Variants in TEX11 observed in about 807,000 individuals in gnomAD.
The protein encoded by TEX11 is testis-expressed protein 11.
TEX11 carries 7 observed loss-of-function variants against 84.4 expected under a neutral mutation model. The ratio of observed to expected loss-of-function variants is 0.08; its 90% confidence interval spans 0.05 to 0.16. The LOEUF (loss-of-function observed/expected upper bound fraction) is 0.16, where lower values mean the gene tolerates loss of function less well. TEX11 is among the 10% of genes least tolerant of loss of function. TEX11 has a pLI of 1.00. For synonymous variants in TEX11, 264 were observed against 222.8 expected (o/e 1.18, Z -1.64); for missense variants, 551 against 660.5 (o/e 0.83, Z 1.82).
chrX:70,830,478 A>C, intron 8 of TEX11, among the ~76,000 whole-genome samples: 1 of 111,947 alleles, frequency 8.9e-6, no homozygotes, highest in Admixed American at 9.6e-5. Flanking sequence ...GCACCAAACC[A>C]AAATGCTCTG....
chrX:70,834,372 T>C (rs2091393618), intron 7 of TEX11, among the ~76,000 whole-genome samples: 1 of 111,083 alleles, frequency 9.0e-6, no homozygotes, highest in Non-Finnish European at 1.9e-5. Flanking sequence ...CTTTCAGTTC[T>C]ACCATTCTAT....
At chrX:70,670,639 T>C (rs957568807) in intron 15 of TEX11, 125 bp from the exon 16 acceptor site, 4 of 753,320 alleles carry the variant, frequency 5.3e-6, no homozygotes, top group Non-Finnish European at 7.4e-6. Flanking sequence ...CACAATATCC[T>C]TTATATAGGG....
chrX:70,552,352 C>T (rs1202713392), intron 27 of TEX11, 106 bp from the exon 28 acceptor site: 1 of 964,020 alleles, frequency 1.0e-6, no homozygotes, highest in African/African-American at 2.0e-5. Context: ...AGCTTCAAAA[C>T]ACTTCTGTTC....
chrX:70,744,641 C>T (rs2090756984), intron 9 of TEX11, among the ~76,000 whole-genome samples: 1 of 109,625 alleles, frequency 9.1e-6, no homozygotes, highest in African/African-American at 3.3e-5. Flanking sequence ...AAATACTTTA[C>T]AAGTGTATAC....
chrX:70,858,151 C>T (rs2091547042), intron 5 of TEX11, among the ~76,000 whole-genome samples: 1 of 109,392 alleles, frequency 9.1e-6, no homozygotes, highest in African/African-American at 3.3e-5. Context: ...CAAATCACCA[C>T]TAAAGAACTT....
At chrX:70,618,602 A>C (rs888442578) in intron 20 of TEX11, among the ~76,000 whole-genome samples, 1 of 111,898 alleles carries the variant, frequency 8.9e-6, no homozygotes, top group African/African-American at 3.3e-5. Context: ...GGCCTTGAAC[A>C]CAGCTAGCAA....
intron 7 of TEX11, among the ~76,000 whole-genome samples, chrX:70,844,722 C>G (rs1047616512): frequency 1.8e-5 from 2 of 111,350 alleles, no homozygotes; most frequent in African/African-American, 6.5e-5. Flanking sequence ...GAGCTCGAGA[C>G]CGGCCTGGCC....
At position 70,629,689 on chromosome X, in the gene TEX11, C is replaced by T; in HGVS notation, c.1530G>A (p.Glu510=). 1 of 1,192,240 alleles carries T rather than the reference C, an allele frequency of 8.4e-7. No individual in the cohort carries two copies. Among genetic ancestry groups the T allele is most frequent in the Non-Finnish European group, 1.1e-6 (1 of 880,141 alleles). ...CTGCAACTAGATCATTATCTTCTGA[C>T]TCTTCATCTGTTAATATATTCTCTA... ...ITLENILTDE[E]SEDNDLVAER... Residue 510 remains glutamate, a synonymous_variant, in exon 18 of 30, where the codon GAG becomes GAA. Coordinates refer to ENST00000374333, the MANE Select transcript of TEX11 (RefSeq NM_031276.3).
intron 2 of TEX11, among the ~76,000 whole-genome samples, chrX:70,895,890 TAA>T (rs2091763846): frequency 8.9e-6 from 1 of 112,189 alleles, no homozygotes; most frequent in Non-Finnish European, 1.9e-5. Flanking sequence ...ATTAAAGACT[TAA>T]ATGTAAAACC....
Position 70,744,549 on chromosome X carries a change from G to T in TEX11, c.693-330C>A, listed in dbSNP as rs928100705. On this transcript the variant is annotated intron_variant, in intron 9 of 29. Transcript: ENST00000374333. ...CTAAATAGGTATAATTTAATATACT[G>T]CCTTAAATATATATAACTTAATATG... Among the ~76,000 whole-genome samples the T allele has an allele frequency of 2.8e-5, 3 of 108,139 alleles. No individual in the cohort carries two copies. In the South Asian group the frequency reaches 1.2e-3, roughly 42 times the overall value. 93.9% of individuals were successfully genotyped at this position (108,139 alleles called of 115,157 possible). A position where few individuals can be genotyped will look rare whatever the true frequency, so the allele number is the denominator to read the frequency against.
At chrX:70,830,063 A>G (rs2147830153) in intron 8 of TEX11, among the ~76,000 whole-genome samples, 1 of 111,026 alleles carries the variant, frequency 9.0e-6, no homozygotes, top group East Asian at 2.8e-4. Context: ...CAAAGGACAT[A>G]GAGTGGCTGA....
intron 2 of TEX11, among the ~76,000 whole-genome samples, chrX:70,906,830 A>G (rs1886883242): frequency 8.9e-6 from 1 of 112,083 alleles, no homozygotes; most frequent in African/African-American, 3.2e-5. Flanking sequence ...AAGTATTAAC[A>G]AAATGTTGAC....
intron 11 of TEX11, among the ~76,000 whole-genome samples, chrX:70,726,612 C>A (rs1215116654): frequency 9.0e-6 from 1 of 110,683 alleles, no homozygotes; most frequent in African/African-American, 3.3e-5. Context: ...CTCACTGCAA[C>A]CTCCGTCTCC....
Position 70,591,733 on chromosome X carries a change from T to C in TEX11, c.2140+18A>G, listed in dbSNP as rs1337512200. ...CTCCTTTCAAACTGTGTTACCAAAC[T>C]TCCAGTTCCTACTGTACCTGTTTGT... On this transcript the variant is annotated intron_variant, in intron 25 of 29. Coordinates refer to ENST00000374333, the MANE Select transcript of TEX11 (RefSeq NM_031276.3). The C allele has an allele frequency of 2.6e-6, 3 of 1,171,191 alleles. No homozygotes were observed. The highest frequency in any genetic ancestry group is 3.5e-6 in the Non-Finnish European group (3 of 862,202).
At chrX:70,623,598 C>G (rs1227049192) in intron 20 of TEX11, among the ~76,000 whole-genome samples, 1 of 112,039 alleles carries the variant, frequency 8.9e-6, no homozygotes, top group African/African-American at 3.2e-5. Context: ...CCTGACACTT[C>G]TAAATGTTTC....
intron 13 of TEX11, among the ~76,000 whole-genome samples, chrX:70,720,382 G>A (rs773183805): frequency 3.6e-5 from 4 of 110,850 alleles, no homozygotes; most frequent in African/African-American, 1.3e-4. Flanking sequence ...GGTGGGAGAA[G>A]GGGGTAGGGA....
At chrX:70,592,905 G>C (rs1189503906) in intron 24 of TEX11, among the ~76,000 whole-genome samples, 2 of 111,205 alleles carry the variant, frequency 1.8e-5, no homozygotes, top group Non-Finnish European at 3.8e-5. Context: ...GAGATTGATA[G>C]CTCAATGATA....
chrX:70,769,528 T>C (rs1276808557), intron 9 of TEX11, among the ~76,000 whole-genome samples: 2 of 111,969 alleles, frequency 1.8e-5, no homozygotes, highest in Non-Finnish European at 3.8e-5. Flanking sequence ...AAATCAGTCA[T>C]TTTCAAACAT....
intron 9 of TEX11, among the ~76,000 whole-genome samples, chrX:70,765,205 G>A (rs924660238): frequency 6.3e-5 from 7 of 111,344 alleles, no homozygotes; most frequent in African/African-American, 2.3e-4. Flanking sequence ...GGCCAACATG[G>A]TGAAACCCCA....
Sources: gnomAD v4.1 joint callset for allele counts (sites outside exome capture counted in the v4.1 genomes callset) on GRCh38, gnomAD v4.1.1 for gene constraint, MANE v1.5 for transcripts, NCBI Gene and HGNC (gene_info 2026-07-23, HGNC 2026-07-21) for gene names.